SYTL3: variants seen among roughly 807,000 people sequenced by gnomAD.
SYTL3 encodes synaptotagmin like 3, also known as synaptotagmin-like protein 3.
Under a neutral mutation model 82.1 loss-of-function variants are expected in SYTL3, and 88 were observed. The observed-to-expected ratio is 1.07, with a 90% CI of 0.90 to 1.28. The LOEUF (loss-of-function observed/expected upper bound fraction) is 1.28, where lower values mean the gene tolerates loss of function less well. SYTL3 is among the 50% of genes most tolerant of loss of function. The pLI is 0.00. For synonymous variants in SYTL3, 311 were observed against 289.4 expected, an observed-to-expected ratio of 1.07 and a Z score of -0.76; for missense variants, 831 against 757.6, an observed-to-expected ratio of 1.10 and a Z score of -1.14.
At chr6:158,699,067 G>C (rs1780872098) in intron 6 of SYTL3, among the ~76,000 whole-genome samples, 1 of 152,200 alleles carries the variant, frequency 6.6e-6, no homozygotes, top group Non-Finnish European at 1.5e-5. Flanking sequence ...TCTGCACACA[G>C]GGCTGCTGTG....
chr6:158,674,427 C>G (rs1777797575), intron 5 of SYTL3, among the ~76,000 whole-genome samples: 1 of 152,172 alleles, frequency 6.6e-6, no homozygotes, highest in Non-Finnish European at 1.5e-5. Context: ...CCCTCTGGTT[C>G]CACGGTGATG....
chr6:158,716,400 C>T (rs1480578743), intron 9 of SYTL3, among the ~76,000 whole-genome samples: 1 of 152,174 alleles, frequency 6.6e-6, no homozygotes, highest in Non-Finnish European at 1.5e-5. Context: ...GGGACCAGTT[C>T]CTCCTAAGGG....
intron 6 of SYTL3, among the ~76,000 whole-genome samples, chr6:158,686,828 T>A (rs906974845): frequency 6.6e-5 from 10 of 152,224 alleles, no homozygotes; most frequent in Admixed American, 2.6e-4. Flanking sequence ...GAGCTGATGC[T>A]GGCCAGACAC....
intron 12 of SYTL3, among the ~76,000 whole-genome samples, chr6:158,746,086 G>C (rs1787604799): frequency 6.6e-6 from 1 of 151,994 alleles, no homozygotes; most frequent in Non-Finnish European, 1.5e-5. Context: ...GTTTTCTTGT[G>C]TCCTCCCATG....
intron 9 of SYTL3, among the ~76,000 whole-genome samples, chr6:158,716,341 A>G (rs1415240148): frequency 6.6e-6 from 1 of 152,164 alleles, no homozygotes; most frequent in East Asian, 1.9e-4. Context: ...TGAACTTTCA[A>G]TGGCCCAAAT....
chr6:158,734,537 C>T (rs1785884576), intron 11 of SYTL3, among the ~76,000 whole-genome samples: 1 of 152,130 alleles, frequency 6.6e-6, no homozygotes, highest in African/African-American at 2.4e-5. Context: ...CCAGACACAT[C>T]CCACCTCCAG....
intron 10 of SYTL3, among the ~76,000 whole-genome samples, chr6:158,724,617 T>C (rs114106754): frequency 0.012 from 1,768 of 152,334 alleles, 26 homozygotes; most frequent in African/African-American, 0.04. Context: ...TTGAAATGGG[T>C]CTAGCGCAAC....
intron 9 of SYTL3, among the ~76,000 whole-genome samples, chr6:158,714,250 G>A (rs1783091799): frequency 6.6e-6 from 1 of 152,178 alleles, no homozygotes; most frequent in African/African-American, 2.4e-5. Flanking sequence ...TACTGGGGAA[G>A]CTGAGGCAGG....
intron 6 of SYTL3, among the ~76,000 whole-genome samples, chr6:158,684,271 C>T (rs1583224831): frequency 6.6e-6 from 1 of 152,086 alleles, no homozygotes; most frequent in South Asian, 2.1e-4. Flanking sequence ...AGTTGGGGGA[C>T]GTGATTGCGG....
chr6:158,702,743 CT>C (rs2128444702), intron 6 of SYTL3, among the ~76,000 whole-genome samples: 1 of 151,494 alleles, frequency 6.6e-6, no homozygotes, highest in South Asian at 2.1e-4. Flanking sequence ...TATTTGTACA[CT>C]TTTTCTGACT....
intron 10 of SYTL3, among the ~76,000 whole-genome samples, chr6:158,723,596 GA>G (rs1280248445): frequency 8.5e-5 from 13 of 152,110 alleles, no homozygotes; most frequent in African/African-American, 3.1e-4. Context: ...TCGCGGCATT[GA>G]AAACATTGCT....
chr6:158,703,005 T>A (rs1206531119), intron 6 of SYTL3, among the ~76,000 whole-genome samples: 3 of 151,446 alleles, frequency 2.0e-5, no homozygotes, highest in Non-Finnish European at 4.4e-5. Flanking sequence ...ATACAAAAAA[T>A]TAGCCAGGTG....
At position 158,727,461 on chromosome 6, in the gene SYTL3, G is replaced by A. The variant is rs538388442; in HGVS notation, c.855+1824G>A. Among the ~76,000 whole-genome samples, 237 of 152,190 alleles carry A rather than the reference G, an allele frequency of 1.6e-3. 1 individual carries two copies. Among genetic ancestry groups the A allele is most frequent in the Admixed American group, 3.8e-3 (58 of 15,286 alleles). Reference sequence around the variant, plus strand: ...GCTGAGATTACAGGCATGAGCCACCGCACCCGGCCTAGAACTTTCATTCTT... The same window carrying A: ...GCTGAGATTACAGGCATGAGCCACCACACCCGGCCTAGAACTTTCATTCTT... On this transcript the variant is annotated intron_variant, in intron 11 of 17. Coordinates refer to ENST00000611299, the MANE Select transcript of SYTL3 (RefSeq NM_001242394.2).
At position 158,695,369 on chromosome 6, in the gene SYTL3, CAT is replaced by C. The variant is rs1342303782; in HGVS notation, c.395-11858_395-11857del. Among the ~76,000 whole-genome samples the C allele has an allele frequency of 3.3e-5, 5 of 150,938 alleles. No individual in the cohort carries two copies. The South Asian group carries it at 6.3e-4, about 19-fold the overall frequency. On this transcript the variant is annotated intron_variant, in intron 6 of 17. Coordinates refer to ENST00000611299, the MANE Select transcript of SYTL3 (RefSeq NM_001242394.2). The stretch of plus-strand genomic sequence containing the variant: ...TTTCTGAATGAAGGATTCATGTGTT[CAT>C]ATGTTTAGACAAAATTACTCATTAG...
intron 8 of SYTL3, among the ~76,000 whole-genome samples, chr6:158,710,579 A>G (rs765711314): frequency 6.6e-6 from 1 of 152,140 alleles, no homozygotes; most frequent in African/African-American, 2.4e-5. Flanking sequence ...TACCTCCAGC[A>G]TGGGACATGA....
At chr6:158,751,566 C>T (rs1253959280) in intron 12 of SYTL3, among the ~76,000 whole-genome samples, 3 of 152,152 alleles carry the variant, frequency 2.0e-5, no homozygotes, top group African/African-American at 7.2e-5. Flanking sequence ...TGGTGGGTGG[C>T]AGAAGGGACG....
chr6:158,678,640 A>T (rs879299471), intron 5 of SYTL3, among the ~76,000 whole-genome samples: 3 of 152,200 alleles, frequency 2.0e-5, no homozygotes, highest in African/African-American at 4.8e-5. Flanking sequence ...GTGAAAATGG[A>T]TGCTGAAAAC....
intron 14 of SYTL3, 98 bp from the exon 15 acceptor site, chr6:158,760,542 G>C: frequency 9.8e-7 from 1 of 1,020,834 alleles, no homozygotes; most frequent in Non-Finnish European, 1.5e-6. Context: ...AGGGGCCAGG[G>C]GGAAGCATCT....
chr6:158,692,125 G>T (rs1779950442), intron 6 of SYTL3, among the ~76,000 whole-genome samples: 1 of 148,256 alleles, frequency 6.7e-6, no homozygotes, highest in Admixed American at 6.7e-5. Flanking sequence ...GGGCGTGGTG[G>T]CGGGCGCCTG....
Sources: gnomAD v4.1 joint callset for allele counts (sites outside exome capture counted in the v4.1 genomes callset) on GRCh38, gnomAD v4.1.1 for gene constraint, MANE v1.5 for transcripts, NCBI Gene and HGNC (gene_info 2026-07-23, HGNC 2026-07-21) for gene names.